The following TADA2B variants were observed in gnomAD, a reference collection of about 807,000 sequenced individuals.
TADA2B encodes transcriptional adapter 2-beta.
A neutral mutation model predicts 34.5 loss-of-function variants in TADA2B; 13 were observed. That is an observed-to-expected ratio of 0.38 (90% CI 0.25 to 0.60). TADA2B has a LOEUF of 0.60. Ranked by LOEUF, TADA2B falls within the 20% of genes least tolerant of loss-of-function variation. The pLI is 0.65. For missense variants in TADA2B, 442 were observed against 575.0 expected, an observed-to-expected ratio of 0.77 and a Z score of 2.37; for synonymous variants, 240 against 243.4, an observed-to-expected ratio of 0.99 and a Z score of 0.13.
intron 1 of TADA2B, among the ~76,000 whole-genome samples, chr4:7,044,404 C>T (rs1249189942): frequency 6.6e-6 from 1 of 152,178 alleles, no homozygotes; most frequent in African/African-American, 2.4e-5. Context: ...CAACCCACGA[C>T]CTTGTGCGAA....
At chr4:7,048,629 C>A (rs893473675) in intron 1 of TADA2B, among the ~76,000 whole-genome samples, 1 of 152,126 alleles carries the variant, frequency 6.6e-6, no homozygotes, top group African/African-American at 2.4e-5. Flanking sequence ...TTTTAAGTGT[C>A]TGGAAGCATT....
At position 7,054,527 on chromosome 4, in the gene TADA2B, C is replaced by A. The variant is rs1295696968; in HGVS notation, c.736C>A (p.Arg246Ser). Residue 246 changes from arginine to serine, a missense_variant, in exon 2 of 2, where the codon CGC becomes AGC. Around this residue, in one of 4 missense-constraint regions of TADA2B, gnomAD observed 222 missense variants for 235.2 expected, o/e 0.94. Transcript: ENST00000310074. ...DKKEKEKALK[R>S]KITKEEKELR... The stretch of plus-strand genomic sequence containing the variant: ...GAAGGAGAAGGAAAAGGCGCTGAAG[C>A]GCAAGATCACCAAGGAGGAGAAGGA... 6.2e-7 allele frequency: 1 copy of A among 1,613,796 alleles called. No individual in the cohort carries two copies. Among genetic ancestry groups the A allele is most frequent in the East Asian group, 2.2e-5 (1 of 44,884 alleles).
At position 7,054,367 on chromosome 4, in the gene TADA2B, T is replaced by C; in HGVS notation, c.576T>C (p.Tyr192=). ...ETLISGLSVN[Y]DDDDVEIELK... ...TCATCAGCGGGCTCTCTGTCAACTA[T>C]GATGACGACGACGTGGAGATCGAGC... Residue 192 remains tyrosine (Y), a synonymous_variant, in exon 2 of 2, where the codon TAT becomes TAC. Coordinates refer to ENST00000310074, the MANE Select transcript of TADA2B (RefSeq NM_152293.3). The C allele has an allele frequency of 6.2e-7, 1 of 1,613,490 alleles. No individual in the cohort carries two copies. The highest frequency in any genetic ancestry group is 8.5e-7 in the Non-Finnish European group (1 of 1,179,894).
At position 7,056,015 on chromosome 4, in the gene TADA2B, G is replaced by C. The variant is rs1265395035; in HGVS notation, c.*961G>C. 3 of 152,340 alleles carry C rather than the reference G, an allele frequency of 2.0e-5. No homozygotes were observed. Among genetic ancestry groups the C allele is most frequent in the East Asian group, 3.8e-4 (2 of 5,200 alleles). 9.4% of individuals were successfully genotyped at this position (152,340 alleles called of 1,614,324 possible). A position where few individuals can be genotyped will look rare whatever the true frequency, so the allele number is the denominator to read the frequency against. Reference sequence around the variant, plus strand: ...GTCAGCTTCCTCAGGATTTTCTTCAGTTGCAAGTACCTTTCCACTGAAAAT... The same window carrying C: ...GTCAGCTTCCTCAGGATTTTCTTCACTTGCAAGTACCTTTCCACTGAAAAT... On this transcript the variant is annotated 3_prime_UTR_variant, in exon 2 of 2. Transcript: ENST00000310074.
intron 1 of TADA2B, among the ~76,000 whole-genome samples, chr4:7,048,162 A>C (rs1428182974): frequency 1.3e-5 from 2 of 152,182 alleles, no homozygotes; most frequent in Admixed American, 6.5e-5. Context: ...GGATGGATGG[A>C]AAGAACCCCA....
In TADA2B at chr4:7,049,869, C is replaced by T. The variant is rs146025084; in HGVS notation, c.271-4193C>T. Among the ~76,000 whole-genome samples, 1,475 of 152,374 alleles carry T rather than the reference C, an allele frequency of 9.7e-3. 11 individuals are homozygous for T. Among genetic ancestry groups the T allele is most frequent in the Middle Eastern group, 0.037 (11 of 294 alleles). On this transcript the variant is annotated intron_variant, in intron 1 of 1. Coordinates refer to ENST00000310074, the MANE Select transcript of TADA2B (RefSeq NM_152293.3). ...CATCCCACGCCTACCTTTGCCCGGC[C>T]GCTCTGTCCTGCCGCTAGCTGCAGG...
At chr4:7,053,941 G>C in intron 1 of TADA2B, 121 bp from the exon 2 acceptor site, 1 of 1,132,066 alleles carries the variant, frequency 8.8e-7, no homozygotes, top group Non-Finnish European at 1.2e-6. Flanking sequence ...TGGGGAGGGT[G>C]GGTAACGGTG....
chr4:7,053,972 C>G, intron 1 of TADA2B, 90 bp from the exon 2 acceptor site: 1 of 1,421,950 alleles, frequency 7.0e-7, no homozygotes, highest in Non-Finnish European at 9.4e-7. Context: ...TACTCTAGGT[C>G]AGCCTTTGTA....
intron 1 of TADA2B, among the ~76,000 whole-genome samples, chr4:7,048,080 A>T (rs760829287): frequency 2.0e-5 from 3 of 152,178 alleles, no homozygotes; most frequent in Non-Finnish European, 4.4e-5. Flanking sequence ...ATGCCGCAGG[A>T]TCCCCTAGAA....
At chr4:7,051,900 A>C (rs1723779359) in intron 1 of TADA2B, among the ~76,000 whole-genome samples, 1 of 152,196 alleles carries the variant, frequency 6.6e-6, no homozygotes, top group African/African-American at 2.4e-5. Context: ...CCCAGCCGTA[A>C]GTAAGATATT....
chr4:7,047,232 T>C (rs1158599268), intron 1 of TADA2B, among the ~76,000 whole-genome samples: 1 of 152,108 alleles, frequency 6.6e-6, no homozygotes, highest in Non-Finnish European at 1.5e-5. Flanking sequence ...AGCTGTTGAT[T>C]GGTTGCCAAA....
rs990003205 is a variant in TADA2B, at chr4:7,055,187, C to A, written c.*133C>A. 2.2e-6 allele frequency: 2 copies of A among 901,808 alleles called. No individual in the cohort carries two copies. Among genetic ancestry groups the A allele is most frequent in the African/African-American group, 3.4e-5 (2 of 59,210 alleles). 55.9% of individuals were successfully genotyped at this position (901,808 alleles called of 1,614,324 possible). ...AGTTCCTTTTTTTAAGATAGAAATT[C>A]TTTTCATGGTCCTCTGAAAGAAGCA... On this transcript the variant is annotated 3_prime_UTR_variant, in exon 2 of 2. Coordinates refer to ENST00000310074, the MANE Select transcript of TADA2B (RefSeq NM_152293.3).
At chr4:7,050,003 C>T (rs79584547) in intron 1 of TADA2B, among the ~76,000 whole-genome samples, 2,302 of 152,352 alleles carry the variant, frequency 0.015, 66 homozygotes, top group African/African-American at 0.052. Flanking sequence ...GGAGCCCATG[C>T]GGCATGGAGG....
Position 7,055,148 on chromosome 4 carries a change from T to G in TADA2B, c.*94T>G, listed in dbSNP as rs1396677201. On this transcript the variant is annotated 3_prime_UTR_variant, in exon 2 of 2. Coordinates refer to ENST00000310074, the MANE Select transcript of TADA2B (RefSeq NM_152293.3). ...GAGCCGCTTCCCCACTGTTGCTCTT[T>G]TTTAAACAAATTGAGTTCCTTTTTT... The G allele has an allele frequency of 7.7e-7, 1 of 1,306,022 alleles. No individual in the cohort carries two copies. Among genetic ancestry groups the G allele is most frequent in the South Asian group, 1.6e-5 (1 of 63,500 alleles). 80.9% of individuals were successfully genotyped at this position (1,306,022 alleles called of 1,614,324 possible). A position where few individuals can be genotyped will look rare whatever the true frequency, so the allele number is the denominator to read the frequency against.
At position 7,056,431 on chromosome 4, in the gene TADA2B, G is replaced by A. The variant is rs968951456; in HGVS notation, c.*1377G>A. ...CTCCGTTCTTCAAGGAGGTTGACTTGCCTCTCGGGCCCCGTAGGTACCAAG... is the reference window on the plus strand; with the variant it reads ...CTCCGTTCTTCAAGGAGGTTGACTTACCTCTCGGGCCCCGTAGGTACCAAG... On this transcript the variant is annotated 3_prime_UTR_variant, in exon 2 of 2. Transcript: ENST00000310074. 1 of 152,590 alleles carries A rather than the reference G, an allele frequency of 6.6e-6. No homozygotes were observed. Among genetic ancestry groups the A allele is most frequent in the African/African-American group, 2.4e-5 (1 of 41,436 alleles). 9.5% of individuals were successfully genotyped at this position (152,590 alleles called of 1,614,324 possible). A position where few individuals can be genotyped will look rare whatever the true frequency, so the allele number is the denominator to read the frequency against.
At chr4:7,047,952 C>T (rs993432515) in intron 1 of TADA2B, among the ~76,000 whole-genome samples, 3 of 152,194 alleles carry the variant, frequency 2.0e-5, no homozygotes, top group Non-Finnish European at 4.4e-5. Context: ...ATCCCTGAGA[C>T]AGGTGCTCCC....
At chr4:7,048,526 A>T (rs1244660707) in intron 1 of TADA2B, among the ~76,000 whole-genome samples, 1 of 152,250 alleles carries the variant, frequency 6.6e-6, no homozygotes, top group Admixed American at 6.5e-5. Context: ...GTGGTAAGAC[A>T]TGTCACTTTA....
rs1290139859 is a variant in TADA2B at position 7,054,926 on chromosome 4, G to T, written c.1135G>T (p.Asp379Tyr). Reference protein sequence around the residue: ...YVTVKTIIIKDHLQKRQGIPS... With the variant: ...YVTVKTIIIKYHLQKRQGIPS... ...GACTGTGAAGACTATTATAATTAAA[G>T]ACCACCTCCAGAAGCGGCAAGGAAT... Residue 379 changes from aspartate (D) to tyrosine (Y), a missense_variant, in exon 2 of 2, where the codon GAC (aspartate) becomes TAC (tyrosine). Physicochemically the swap from Asp to Tyr is radical, Grantham distance 160. Coordinates refer to ENST00000310074, the MANE Select transcript of TADA2B (RefSeq NM_152293.3). 1.2e-6 allele frequency: 2 copies of T among 1,613,874 alleles called. No individual in the cohort carries two copies. Among genetic ancestry groups the T allele is most frequent in the Admixed American group, 1.7e-5 (1 of 60,008 alleles).
chr4:7,053,916 G>T, intron 1 of TADA2B, 146 bp from the exon 2 acceptor site: 3 of 839,548 alleles, frequency 3.6e-6, no homozygotes, highest in Non-Finnish European at 5.5e-6. Context: ...AAGACAGTGT[G>T]TGACTGAATG....
Sources: gnomAD v4.1 joint callset for allele counts (sites outside exome capture counted in the v4.1 genomes callset) on GRCh38, gnomAD v4.1.1 for gene constraint, gnomAD v4.1.1 regional missense constraint, MANE v1.5 for transcripts, NCBI Gene and HGNC (gene_info 2026-07-23, HGNC 2026-07-21) for gene names.